ITPKB: variants seen among roughly 807,000 people sequenced by gnomAD.
The protein encoded by ITPKB is inositol-trisphosphate 3-kinase B.
ITPKB carries 13 observed loss-of-function variants against 69.4 expected under a neutral mutation model. The ratio of observed to expected loss-of-function variants is 0.19; its 90% CI spans 0.12 to 0.30. The LOEUF is 0.30. Among genes scored for constraint, ITPKB ranks in the 10% least tolerant of loss-of-function variants. ITPKB has a pLI of 1.00. For missense variants in ITPKB, 1,240 were observed against 1,250.5 expected, an observed-to-expected ratio of 0.99 and a Z score of 0.13; for synonymous variants, 584 against 513.7, an observed-to-expected ratio of 1.14 and a Z score of -1.85.
chr1:226,728,456 A>G (rs564078758), intron 2 of ITPKB, among the ~76,000 whole-genome samples: 3 of 152,348 alleles, frequency 2.0e-5, no homozygotes, highest in African/African-American at 7.2e-5. Context: ...TGATTGTAAC[A>G]AGTCATTCCG....
intron 2 of ITPKB, among the ~76,000 whole-genome samples, chr1:226,693,653 T>C (rs1428577183): frequency 6.6e-6 from 1 of 152,224 alleles, no homozygotes; most frequent in East Asian, 1.9e-4. Flanking sequence ...AATCTATTGG[T>C]TGTAACCATC....
At chr1:226,710,176 AT>A (rs1656908395) in intron 2 of ITPKB, among the ~76,000 whole-genome samples, 1 of 152,150 alleles carries the variant, frequency 6.6e-6, no homozygotes, top group South Asian at 2.1e-4. Context: ...GCAGCTGGTG[AT>A]TGGCTGGTGA....
chr1:226,732,199 T>C (rs941448174), intron 2 of ITPKB, among the ~76,000 whole-genome samples: 2 of 152,114 alleles, frequency 1.3e-5, no homozygotes, highest in African/African-American at 4.8e-5. Flanking sequence ...TACACTTCTT[T>C]ATACACCCCA....
chr1:226,702,371 C>A (rs953329464), intron 2 of ITPKB, among the ~76,000 whole-genome samples: 2 of 149,914 alleles, frequency 1.3e-5, no homozygotes, highest in Admixed American at 6.7e-5. Flanking sequence ...ACACTCCAGC[C>A]TGGGCGACAC....
intron 2 of ITPKB, among the ~76,000 whole-genome samples, chr1:226,693,000 C>T (rs185996496): frequency 6.6e-6 from 1 of 152,180 alleles, no homozygotes; most frequent in Non-Finnish European, 1.5e-5. Context: ...CAAACAAATC[C>T]CTGATGAGCT....
At chr1:226,681,812 A>T (rs573335245) in intron 2 of ITPKB, among the ~76,000 whole-genome samples, 1 of 152,140 alleles carries the variant, frequency 6.6e-6, no homozygotes, top group African/African-American at 2.4e-5. Flanking sequence ...AACTCTCCAG[A>T]TGATACCCCT....
chr1:226,718,578 C>CA (rs1486055568), intron 2 of ITPKB, among the ~76,000 whole-genome samples: 1 of 152,102 alleles, frequency 6.6e-6, no homozygotes, highest in Non-Finnish European at 1.5e-5. Flanking sequence ...CCAACCCGGG[C>CA]AAGCTACAGA....
chr1:226,693,995 AG>A (rs1656419843), intron 2 of ITPKB, among the ~76,000 whole-genome samples: 1 of 152,252 alleles, frequency 6.6e-6, no homozygotes, highest in South Asian at 2.1e-4. Context: ...AGAGGACTAA[AG>A]ATGGGTAACT....
chr1:226,643,524 C>T (rs1373393904), intron 4 of ITPKB, among the ~76,000 whole-genome samples: 3 of 152,220 alleles, frequency 2.0e-5, no homozygotes, highest in Admixed American at 2.0e-4. Flanking sequence ...CTGCATCTGT[C>T]TCCCAGGCCT....
intron 7 of ITPKB, among the ~76,000 whole-genome samples, chr1:226,636,303 G>C (rs1349109297): frequency 6.6e-6 from 1 of 152,194 alleles, no homozygotes; most frequent in Non-Finnish European, 1.5e-5. Flanking sequence ...AGGAGCTGAG[G>C]GTCTGGGGGA....
chr1:226,636,222 C>T (rs1668834628), intron 7 of ITPKB, among the ~76,000 whole-genome samples: 1 of 152,220 alleles, frequency 6.6e-6, no homozygotes, highest in African/African-American at 2.4e-5. Flanking sequence ...TCCAGAGAGG[C>T]AGCTGGGGCA....
At chr1:226,685,933 G>A (rs2102777223) in intron 2 of ITPKB, among the ~76,000 whole-genome samples, 1 of 152,298 alleles carries the variant, frequency 6.6e-6, no homozygotes, top group South Asian at 2.1e-4. Context: ...TGTGATGCAA[G>A]ACAAGAAACT....
rs1668966504 is a variant in ITPKB at position 226,641,752 on chromosome 1, G to A, written c.2451+169C>T. ...CCTGAGCCCCCTACACAGCCATCCCGCCTGAGGAATAGGCTGATGTCTCCA... is the reference window on the plus strand; with the variant it reads ...CCTGAGCCCCCTACACAGCCATCCCACCTGAGGAATAGGCTGATGTCTCCA... On this transcript the variant is annotated intron_variant, in intron 5 of 7. Transcript: ENST00000429204. This position sits in a 1 kb window ranked among gnomAD's most constrained non-coding sequence, Gnocchi z 4.6. Among the ~76,000 whole-genome samples the A allele has an allele frequency of 1.3e-5, 2 of 152,260 alleles. No individual in the cohort carries two copies. The highest frequency in any genetic ancestry group is 2.4e-5 in the African/African-American group (1 of 41,480).
chr1:226,700,758 C>G (rs1163162341), intron 2 of ITPKB, among the ~76,000 whole-genome samples: 2 of 152,134 alleles, frequency 1.3e-5, no homozygotes. Context: ...TGCAGAACAC[C>G]ACCTTCTGAG....
chr1:226,669,048 A>C (rs763174670), intron 2 of ITPKB: 1 of 152,198 alleles, frequency 6.6e-6, no homozygotes, highest in East Asian at 1.9e-4. Context: ...TCTGGCCATT[A>C]TCATCATCAT....
In ITPKB at chr1:226,737,184, C is replaced by T. The variant is rs1376355976; in HGVS notation, c.275G>A (p.Ser92Asn). The T allele has an allele frequency of 1.1e-5, 16 of 1,507,254 alleles. No individual in the cohort carries two copies. The highest frequency in any genetic ancestry group is 1.4e-5 in the Non-Finnish European group (16 of 1,136,188). 93.4% of individuals were successfully genotyped at this position (1,507,254 alleles called of 1,614,324 possible). Residue 92 changes from serine (S) to asparagine (N), a missense_variant, in exon 2 of 8, where the codon AGC becomes AAC. By Grantham distance (46) the Ser-to-Asn change is conservative (BLOSUM62 1). This residue lies in a region of ITPKB where 992 missense variants were observed against 853.8 expected (regional missense o/e 1.16). Transcript: ENST00000429204. ...LNSSSGSGSG[S>N]SGSSVSSPSW... ...TGGGCTGCTCACGCTACTGCCGCTG[C>T]TGCCGCTGCCACTGCCGCTGCTACT...
At chr1:226,727,287 A>G (rs1657454960) in intron 2 of ITPKB, among the ~76,000 whole-genome samples, 1 of 152,258 alleles carries the variant, frequency 6.6e-6, no homozygotes, top group Admixed American at 6.5e-5. Context: ...TTACACAGTC[A>G]GTCATCAATT....
intron 2 of ITPKB, chr1:226,669,117 T>A (rs1451664121): frequency 6.6e-6 from 1 of 152,182 alleles, no homozygotes; most frequent in Non-Finnish European, 1.5e-5. Flanking sequence ...GGGAGTATTT[T>A]AAAAAATCTA....
intron 2 of ITPKB, among the ~76,000 whole-genome samples, chr1:226,658,623 C>T (rs115121818): frequency 2.0e-5 from 3 of 152,150 alleles, no homozygotes; most frequent in Admixed American, 6.5e-5. Flanking sequence ...AGAAAAGACC[C>T]GAGTAAGGCT....
Sources: allele counts gnomAD v4.1 joint callset (sites outside exome capture counted in the v4.1 genomes callset), GRCh38; gene constraint gnomAD v4.1.1; regional missense constraint gnomAD v4.1.1; non-coding constraint Gnocchi (gnomAD v3.1); transcripts MANE v1.5; gene names NCBI Gene and HGNC (gene_info 2026-07-23, HGNC 2026-07-21).